The following DOCK4 variants were observed in gnomAD, a reference collection of about 807,000 sequenced individuals.
DOCK4 encodes the protein dedicator of cytokinesis protein 4.
A neutral mutation model predicts 268.1 loss-of-function variants in DOCK4; 97 were observed. That is an observed-to-expected ratio of 0.36 (90% CI 0.31 to 0.43). The LOEUF (loss-of-function observed/expected upper bound fraction) is 0.43, where lower values mean the gene tolerates loss of function less well. Ranked by LOEUF, DOCK4 falls within the 20% of genes least tolerant of loss-of-function variation. DOCK4 has a pLI of 1.00. For missense variants in DOCK4, 2,145 were observed against 2,455.7 expected (o/e 0.87, Z 2.67); for synonymous variants, 954 against 887.2 (o/e 1.08, Z -1.34).
intron 41 of DOCK4, among the ~76,000 whole-genome samples, chr7:111,757,605 A>G (rs1797118444): frequency 6.6e-6 from 1 of 152,074 alleles, no homozygotes; most frequent in Non-Finnish European, 1.5e-5. Context: ...TAGCCCATCA[A>G]ATCTCTGGGC....
chr7:112,066,719 A>G (rs1192769816), intron 1 of DOCK4, among the ~76,000 whole-genome samples: 64 of 83,478 alleles, frequency 7.7e-4, no homozygotes, highest in African/African-American at 2.9e-3. Flanking sequence ...ATATATATAT[A>G]TATATATATA....
In DOCK4 at chr7:112,123,303, G is replaced by A. The variant is rs146238774; in HGVS notation, c.37+82799C>T. ...GTTTGGGAGAGATGGTGGCTGAGGA[G>A]AAAGGGGGAAGGTCACATAGACCTT... is the stretch of plus-strand genomic sequence containing the variant. On this transcript the variant is annotated intron_variant, in intron 1 of 52. Coordinates refer to ENST00000428084, the MANE Select transcript of DOCK4 (RefSeq NM_001363540.2). Among the ~76,000 whole-genome samples the A allele has an allele frequency of 4.6e-5, 7 of 152,278 alleles. No homozygotes were observed. The East Asian group carries it at 1.2e-3, about 25-fold the overall frequency.
At chr7:112,078,095 T>C (rs908499463) in intron 1 of DOCK4, among the ~76,000 whole-genome samples, 2 of 152,196 alleles carry the variant, frequency 1.3e-5, no homozygotes, top group Admixed American at 6.5e-5. Context: ...GGTATACTGA[T>C]ACATGAATCA....
intron 1 of DOCK4, among the ~76,000 whole-genome samples, chr7:112,128,465 T>C (rs985901652): frequency 2.3e-4 from 35 of 151,930 alleles, no homozygotes; most frequent in Non-Finnish European, 4.6e-4. Flanking sequence ...GGCGGCTTTG[T>C]GGAATAGAAA....
chr7:112,024,511 C>G (rs1423132019), intron 1 of DOCK4, among the ~76,000 whole-genome samples: 1 of 152,158 alleles, frequency 6.6e-6, no homozygotes, highest in Admixed American at 6.5e-5. Flanking sequence ...TGCCTCCTTT[C>G]TCTTACATCC....
intron 1 of DOCK4, among the ~76,000 whole-genome samples, chr7:112,017,940 G>T (rs1343076358): frequency 6.6e-6 from 1 of 151,708 alleles, no homozygotes; most frequent in Non-Finnish European, 1.5e-5. Context: ...GGCATTCATG[G>T]TTCTTCCTAA....
chr7:111,801,651 A>T (rs1220516605), intron 30 of DOCK4: 2 of 150,194 alleles, frequency 1.3e-5, no homozygotes, highest in Non-Finnish European at 3.0e-5. Flanking sequence ...GAGCAAGAAT[A>T]CCTCAAAAGA....
At chr7:111,893,073 T>A (rs940265161) in intron 16 of DOCK4, among the ~76,000 whole-genome samples, 1 of 152,178 alleles carries the variant, frequency 6.6e-6, no homozygotes, top group Non-Finnish European at 1.5e-5. Context: ...TTTCCCTTTA[T>A]GGATTAGGAT....
chr7:112,147,930 A>G (rs1425550709), intron 1 of DOCK4, among the ~76,000 whole-genome samples: 1 of 147,742 alleles, frequency 6.8e-6, no homozygotes, highest in Non-Finnish European at 1.5e-5. Flanking sequence ...ATCTCATTTC[A>G]CAGCCTCCAC....
At chr7:111,990,475 T>C (rs993438727) in intron 5 of DOCK4, among the ~76,000 whole-genome samples, 4 of 152,214 alleles carry the variant, frequency 2.6e-5, no homozygotes, top group African/African-American at 4.8e-5. Flanking sequence ...TTCTGGGTGA[T>C]GGGTAAAGAC....
intron 27 of DOCK4, among the ~76,000 whole-genome samples, chr7:111,818,445 C>T (rs910707165): frequency 6.6e-6 from 1 of 151,708 alleles, no homozygotes; most frequent in Non-Finnish European, 1.5e-5. Context: ...TGGCACAATT[C>T]ATCCTTTTAC....
intron 1 of DOCK4, among the ~76,000 whole-genome samples, chr7:112,153,894 T>C (rs1816338989): frequency 1.3e-5 from 2 of 152,182 alleles, no homozygotes; most frequent in African/African-American, 4.8e-5. Context: ...CATCAGCCTC[T>C]AAGTTAAAAG....
chr7:112,150,456 G>A (rs537027937), intron 1 of DOCK4, among the ~76,000 whole-genome samples: 4 of 152,020 alleles, frequency 2.6e-5, no homozygotes, highest in Non-Finnish European at 4.4e-5. Flanking sequence ...AGATAACCTC[G>A]TCCTGTCTTG....
At chr7:112,010,365 T>C (rs910522091) in intron 1 of DOCK4, among the ~76,000 whole-genome samples, 1 of 152,234 alleles carries the variant, frequency 6.6e-6, no homozygotes, top group African/African-American at 2.4e-5. Flanking sequence ...TTTGAAAGTA[T>C]AGCATAGAAC....
At chr7:111,996,105 A>G (rs1799934288) in intron 4 of DOCK4, among the ~76,000 whole-genome samples, 2 of 152,222 alleles carry the variant, frequency 1.3e-5, no homozygotes, top group Admixed American at 1.3e-4. Flanking sequence ...CATACTACTT[A>G]ACATTTAAAA....
chr7:111,945,154 T>G (rs151070522), intron 9 of DOCK4, among the ~76,000 whole-genome samples: 9 of 152,328 alleles, frequency 5.9e-5, no homozygotes, highest in African/African-American at 2.2e-4. Context: ...AAATACCAGG[T>G]GTCTTGCTGA....
chr7:112,059,316 G>A (rs1806157860), intron 1 of DOCK4, among the ~76,000 whole-genome samples: 1 of 151,534 alleles, frequency 6.6e-6, no homozygotes, highest in Admixed American at 6.6e-5. Flanking sequence ...ACAATTTTTT[G>A]TATTTTTAGT....
chr7:112,060,995 T>C (rs924791566), intron 1 of DOCK4, among the ~76,000 whole-genome samples: 5 of 152,160 alleles, frequency 3.3e-5, no homozygotes, highest in Admixed American at 6.5e-5. Context: ...AGTAAAAAAT[T>C]AGAAAAAGAG....
chr7:112,073,481 C>A (rs80284984), intron 1 of DOCK4, among the ~76,000 whole-genome samples: 4,070 of 151,580 alleles, frequency 0.027, 205 homozygotes, highest in African/African-American at 0.094. Flanking sequence ...TGTATTATTA[C>A]AGATAATAAA....
Sources: allele counts gnomAD v4.1 joint callset (sites outside exome capture counted in the v4.1 genomes callset), GRCh38; gene constraint gnomAD v4.1.1; transcripts MANE v1.5; gene names NCBI Gene and HGNC (gene_info 2026-07-23, HGNC 2026-07-21).